Variants in TRIM9 observed in about 807,000 individuals in gnomAD.
TRIM9 encodes the protein tripartite motif containing 9, also known as E3 ubiquitin-protein ligase TRIM9.
A neutral mutation model predicts 78.3 loss-of-function variants in TRIM9; 26 were observed. The ratio of observed to expected loss-of-function variants is 0.33; its 90% CI spans 0.24 to 0.46. TRIM9 has a LOEUF of 0.46. Ranked by LOEUF, TRIM9 falls within the 20% of genes least tolerant of loss-of-function variation. TRIM9 has a pLI of 1.00. For synonymous variants in TRIM9, 398 were observed against 416.5 expected (o/e 0.96, Z 0.54); for missense variants, 787 against 1,036.4 (o/e 0.76, Z 3.30).
chr14:51,089,712 T>C (rs545520372), intron 1 of TRIM9, among the ~76,000 whole-genome samples: 9 of 152,300 alleles, frequency 5.9e-5, no homozygotes, highest in African/African-American at 2.2e-4. Context: ...CAACTGAATA[T>C]TCTCTCTGGA....
intron 5 of TRIM9, among the ~76,000 whole-genome samples, chr14:51,005,215 A>C (rs192564469): frequency 7.1e-4 from 108 of 152,294 alleles, no homozygotes; most frequent in African/African-American, 2.6e-3. Flanking sequence ...ACCCTCTGGC[A>C]GCTTTCCCCC....
chr14:51,029,365 G>T (rs1490336027), intron 1 of TRIM9, among the ~76,000 whole-genome samples: 3 of 152,150 alleles, frequency 2.0e-5, no homozygotes, highest in African/African-American at 7.2e-5. Flanking sequence ...ACCTTCTGGT[G>T]CTGTATCACA....
At position 50,986,125 on chromosome 14, in the gene TRIM9, C is replaced by A. The variant is rs1300630610; in HGVS notation, c.1623G>T (p.Gln541His). ...CCGAAGGCACTGGAAAAGGGAGGGT[C>A]TGTTCTTCTGAATCTGTGTCTAAAT... ...QTSEDTDSEEQTLPFPVPSER... is the reference protein window; with the variant it reads ...QTSEDTDSEEHTLPFPVPSER... The change falls in exon 8 of 13, where the codon CAG becomes CAT. Residue 541 changes from glutamine to histidine, a missense_variant. Physicochemically the swap from Gln to His is conservative, Grantham distance 24 (BLOSUM62 0). Transcript: ENST00000684578. 5 of 1,530,512 alleles carry A rather than the reference C, an allele frequency of 3.3e-6. No individual in the cohort carries two copies. In the East Asian group the frequency reaches 1.2e-4, roughly 38 times the overall value. The allele number at this position is 1,530,512 out of a possible 1,614,324, so 94.8% of individuals were successfully genotyped here.
intron 1 of TRIM9, among the ~76,000 whole-genome samples, chr14:51,075,312 T>A (rs924570216): frequency 7.9e-5 from 12 of 152,196 alleles, no homozygotes; most frequent in Non-Finnish European, 1.5e-5. Flanking sequence ...GAAATTGGGA[T>A]GTACTTCATA....
intron 3 of TRIM9, among the ~76,000 whole-genome samples, chr14:51,014,198 C>T (rs1310264408): frequency 6.6e-6 from 1 of 152,188 alleles, no homozygotes; most frequent in Admixed American, 6.5e-5. Context: ...TAAAATTCCA[C>T]ATTTGCTTCT....
chr14:51,081,051 T>C (rs1312050939), intron 1 of TRIM9, among the ~76,000 whole-genome samples: 1 of 152,242 alleles, frequency 6.6e-6, no homozygotes, highest in Non-Finnish European at 1.5e-5. Flanking sequence ...GTCTGCTTTT[T>C]TCCTCCTGTG....
rs772588565 is a variant in TRIM9 at position 50,979,182 on chromosome 14, G to A, written c.2325+205C>T. On this transcript the variant is annotated intron_variant, in intron 12 of 12. Transcript: ENST00000684578. Reference sequence around the variant, plus strand: ...TCCTATGTGCTATTAACTAGTCTGCGTCCAAGTATAAAGAAGGTGCTTATG... The same window carrying A: ...TCCTATGTGCTATTAACTAGTCTGCATCCAAGTATAAAGAAGGTGCTTATG... 35 of 1,441,472 alleles carry A rather than the reference G, an allele frequency of 2.4e-5. No homozygotes were observed. The East Asian group carries it at 3.8e-4, about 15-fold the overall frequency. 89.3% of individuals were successfully genotyped at this position (1,441,472 alleles called of 1,614,324 possible). A position where few individuals can be genotyped will look rare whatever the true frequency, so the allele number is the denominator to read the frequency against.
chr14:51,080,196 G>A (rs2063168947), intron 1 of TRIM9, among the ~76,000 whole-genome samples: 1 of 151,470 alleles, frequency 6.6e-6, no homozygotes, highest in African/African-American at 2.4e-5. Context: ...GATCTTTGGG[G>A]CAAAGGTAAT....
chr14:51,089,017 C>T (rs936639496), intron 1 of TRIM9: 2 of 151,790 alleles, frequency 1.3e-5, no homozygotes, highest in Non-Finnish European at 2.9e-5. Context: ...TCAGTGGACA[C>T]TGACATGAAT....
At chr14:51,070,250 C>T (rs142675656) in intron 1 of TRIM9, among the ~76,000 whole-genome samples, 128 of 152,220 alleles carry the variant, frequency 8.4e-4, no homozygotes, top group Middle Eastern at 3.4e-3. Flanking sequence ...AGTTATAGTG[C>T]GATGGCTGTG....
In TRIM9 at chr14:51,067,682, C is replaced by T. The variant is rs543111158; in HGVS notation, c.822+26436G>A. ...GGCTGGCCCTTCCTGCAGATCTTCA[C>T]AGAGGGCTGCCCCTTCTCATCACCA... On this transcript the variant is annotated intron_variant, in intron 1 of 12. Coordinates refer to ENST00000684578, the MANE Select transcript of TRIM9 (RefSeq NM_001387360.1). Among the ~76,000 whole-genome samples the T allele has an allele frequency of 3.3e-5, 5 of 152,214 alleles. No individual in the cohort carries two copies. In the South Asian group the frequency reaches 1.0e-3, roughly 32 times the overall value.
At chr14:51,052,046 AGAGAAGAGAAGAGAAGAG>A (rs934556884) in intron 1 of TRIM9, among the ~76,000 whole-genome samples, 15 of 76,018 alleles carry the variant, frequency 2.0e-4, no homozygotes, top group Admixed American at 1.2e-3. Context: ...AGGGAAAAGA[AGAGAAGAGAAGAGAAGAG>A]GAGAAGAGAA....
At chr14:51,005,161 T>C (rs1596150074) in intron 5 of TRIM9, among the ~76,000 whole-genome samples, 1 of 152,298 alleles carries the variant, frequency 6.6e-6, no homozygotes, top group African/African-American at 2.4e-5. Context: ...CTATCAGCAT[T>C]AACAGATTAC....
chr14:51,067,623 C>G (rs2061859575), intron 1 of TRIM9, among the ~76,000 whole-genome samples: 1 of 152,130 alleles, frequency 6.6e-6, no homozygotes, highest in Non-Finnish European at 1.5e-5. Flanking sequence ...TCATTCCTGC[C>G]TAAGGATCTT....
chr14:51,022,870 C>T lies in TRIM9; in HGVS notation c.1006G>A (p.Ala336Thr). The change falls in exon 3 of 13, where the codon GCC (alanine) becomes ACC (threonine). Residue 336 changes from alanine (A) to threonine (T), a missense_variant. By Grantham distance (58) the Ala-to-Thr change is moderately conservative. Around this residue, in one of 3 missense-constraint regions of TRIM9, gnomAD observed 352 missense variants for 472.3 expected, o/e 0.75. Transcript: ENST00000684578. ...TGCTCATGCTCCTTGTTGACGCGGGCCAGCAGCTGGGCTTTTCTTCTGTTG... is the reference window on the plus strand; with the variant it reads ...TGCTCATGCTCCTTGTTGACGCGGGTCAGCAGCTGGGCTTTTCTTCTGTTG... ...ALNRRKAQLL[A>T]RVNKEHEHKL... is the part of the protein sequence containing the mutation. The T allele has an allele frequency of 6.2e-7, 1 of 1,614,154 alleles. No individual in the cohort carries two copies. The highest frequency in any genetic ancestry group is 1.3e-5 in the African/African-American group (1 of 75,038).
intron 1 of TRIM9, among the ~76,000 whole-genome samples, chr14:51,038,573 A>G (rs1368256297): frequency 2.6e-5 from 4 of 152,244 alleles, no homozygotes; most frequent in African/African-American, 9.6e-5. Context: ...AACGACCACA[A>G]AGAATATAAA....
chr14:51,088,532 G>A (rs1286340919), intron 1 of TRIM9, among the ~76,000 whole-genome samples: 1 of 152,014 alleles, frequency 6.6e-6, no homozygotes, highest in East Asian at 1.9e-4. Flanking sequence ...AGGTTTTCTT[G>A]CCTTTGAAAA....
At chr14:50,997,523 C>T in intron 7 of TRIM9, 1 of 986,754 alleles carries the variant, frequency 1.0e-6, no homozygotes, top group Non-Finnish European at 1.2e-6. Flanking sequence ...AGTGGGTAAG[C>T]CAGGAGCAGC....
chr14:51,005,497 A>G (rs2055661147), intron 5 of TRIM9, among the ~76,000 whole-genome samples: 1 of 152,182 alleles, frequency 6.6e-6, no homozygotes, highest in East Asian at 1.9e-4. Flanking sequence ...GTGTACTTAG[A>G]CAATTCTGGG....
Sources: allele counts gnomAD v4.1 joint callset (sites outside exome capture counted in the v4.1 genomes callset), GRCh38; gene constraint gnomAD v4.1.1; regional missense constraint gnomAD v4.1.1; transcripts MANE v1.5; gene names NCBI Gene and HGNC (gene_info 2026-07-23, HGNC 2026-07-21).